RFPL1: variants seen among roughly 807,000 people sequenced by gnomAD.
RFPL1 encodes ret finger protein-like 1.
In RFPL1, 6 loss-of-function variants were observed where a neutral mutation model predicts 9.6. That is an observed-to-expected ratio of 0.62 (90% confidence interval 0.34 to 1.23). The LOEUF is 1.23. Ranked by LOEUF, RFPL1 falls within the 50% of genes most tolerant of loss-of-function variation. The pLI is 0.03. For synonymous variants in RFPL1, 145 were observed against 149.4 expected, an observed-to-expected ratio of 0.97 and a Z score of 0.22; for missense variants, 352 against 398.4, an observed-to-expected ratio of 0.88 and a Z score of 0.99.
the RFPL1 span, among the ~76,000 whole-genome samples, chr22:29,393,965 C>T: frequency 1.3e-5 from 2 of 152,106 alleles, no homozygotes; most frequent in Non-Finnish European, 2.9e-5. Context: ...GCATGAGCCA[C>T]CACGCCCGGC....
the RFPL1 span, among the ~76,000 whole-genome samples, chr22:29,424,484 A>G: frequency 6.6e-6 from 1 of 150,916 alleles, no homozygotes; most frequent in African/African-American, 2.5e-5. Flanking sequence ...AAATGAGAAA[A>G]GGACTCAGGG....
the RFPL1 span, among the ~76,000 whole-genome samples, chr22:29,420,915 A>C: frequency 1.3e-5 from 2 of 152,070 alleles, no homozygotes; most frequent in Non-Finnish European, 2.9e-5. Flanking sequence ...TGCTGGGATT[A>C]CAGGCGTGAT....
the RFPL1 span, among the ~76,000 whole-genome samples, chr22:29,391,622 G>T: frequency 7.2e-5 from 11 of 152,306 alleles, no homozygotes; most frequent in South Asian, 2.1e-3. Context: ...GGAGGGAGAG[G>T]TCACAGCACC....
At chr22:29,430,050 T>G in the RFPL1 span, among the ~76,000 whole-genome samples, 5 of 152,182 alleles carry the variant, frequency 3.3e-5, no homozygotes, top group Non-Finnish European at 7.3e-5. Flanking sequence ...CAGTATACTA[T>G]AGAAATATGA....
At chr22:29,424,084 G>T in the RFPL1 span, among the ~76,000 whole-genome samples, 8 of 152,140 alleles carry the variant, frequency 5.3e-5, no homozygotes, top group Middle Eastern at 6.8e-3. Flanking sequence ...GGAGGCTGAG[G>T]CGGAAAAATC....
chr22:29,417,166 C>A, the RFPL1 span, among the ~76,000 whole-genome samples: 2 of 151,960 alleles, frequency 1.3e-5, no homozygotes, highest in Non-Finnish European at 2.9e-5. Context: ...GCTGATGAGG[C>A]CGACTCGCTC....
At chr22:29,437,815 C>A, upstream of RFPL1, 1 of 1,335,372 alleles carries the variant, frequency 7.5e-7, no homozygotes, top group Non-Finnish European at 1.0e-6. Flanking sequence ...GAGAGAAATT[C>A]GTAATTAATG....
At chr22:29,442,077 C>T in exon 2 of RFPL1, 2 of 1,602,730 alleles carry the variant, frequency 1.2e-6, no homozygotes, top group Middle Eastern at 1.7e-4. Flanking sequence ...CTGTGATAAA[C>T]CCGGGCACTA....
At chr22:29,441,849 T>C (rs1364303223) in exon 2 of RFPL1, 1 of 1,613,852 alleles carries the variant, frequency 6.2e-7, no homozygotes, top group African/African-American at 1.3e-5. Context: ...GCCGCCTCTC[T>C]GCCAGCACGG....
chr22:29,422,108 G>A, the RFPL1 span, among the ~76,000 whole-genome samples: 13 of 152,238 alleles, frequency 8.5e-5, no homozygotes, highest in East Asian at 2.1e-3. Flanking sequence ...TGTCAGCTAC[G>A]ACAACATCCT....
chr22:29,441,343 A>G (rs1444143695), intron 1 of RFPL1, 199 bp from the exon 2 acceptor site: 3 of 603,410 alleles, frequency 5.0e-6, no homozygotes, highest in Non-Finnish European at 8.6e-6. Context: ...TACTGTGAAT[A>G]AGAGTTGGGT....
At chr22:29,389,169 G>C in the RFPL1 span, among the ~76,000 whole-genome samples, 2 of 152,058 alleles carry the variant, frequency 1.3e-5, no homozygotes, top group Non-Finnish European at 2.9e-5. Flanking sequence ...GATTACAGAG[G>C]GGTCTCTCTC....
chr22:29,425,619 A>G, the RFPL1 span, among the ~76,000 whole-genome samples: 2 of 152,280 alleles, frequency 1.3e-5, no homozygotes, highest in Non-Finnish European at 2.9e-5. Context: ...GTGAAAAAAA[A>G]TGCAGGACAT....
the RFPL1 span, among the ~76,000 whole-genome samples, chr22:29,406,079 G>A: frequency 6.0e-5 from 7 of 117,592 alleles, no homozygotes; most frequent in African/African-American, 9.4e-5. Flanking sequence ...ACTGCAGTCC[G>A]CAGTCCGGCC....
the RFPL1 span, among the ~76,000 whole-genome samples, chr22:29,412,581 C>T: frequency 7.9e-5 from 12 of 152,126 alleles, no homozygotes; most frequent in Non-Finnish European, 1.5e-5. Context: ...GATAGAGGAA[C>T]CCTGGCCATG....
intron 1 of RFPL1, chr22:29,439,597 G>A (rs2062828161): frequency 1.2e-5 from 2 of 167,060 alleles, no homozygotes; most frequent in South Asian, 3.2e-4. Flanking sequence ...TTGCACCACT[G>A]CACTCCAGCC....
chr22:29,421,307 C>G, the RFPL1 span, among the ~76,000 whole-genome samples: 45 of 152,086 alleles, frequency 3.0e-4, no homozygotes, highest in African/African-American at 9.7e-4. Context: ...AAAATTAGCT[C>G]GGCATAGTGG....
the RFPL1 span, among the ~76,000 whole-genome samples, chr22:29,420,866 C>A: frequency 1.1e-4 from 17 of 151,832 alleles, no homozygotes; most frequent in African/African-American, 3.6e-4. Flanking sequence ...GTCTTAAACT[C>A]CTGACCTCAG....
At chr22:29,412,920 G>A in the RFPL1 span, among the ~76,000 whole-genome samples, 1 of 152,002 alleles carries the variant, frequency 6.6e-6, no homozygotes. Flanking sequence ...GGGTGTGCAG[G>A]GCCATGCTCT....
Sources: allele counts gnomAD v4.1 joint callset (sites outside exome capture counted in the v4.1 genomes callset), GRCh38; gene constraint gnomAD v4.1.1; transcripts MANE v1.5; gene names NCBI Gene and HGNC (gene_info 2026-07-23, HGNC 2026-07-21).